CDH4: variants seen among roughly 807,000 people sequenced by gnomAD.
The protein encoded by CDH4 is cadherin-4.
In CDH4, 33 loss-of-function variants were observed where a neutral mutation model predicts 86.0. The observed-to-expected ratio is 0.38, with a 90% CI of 0.29 to 0.51. The LOEUF is 0.51. Among genes scored for constraint, CDH4 ranks in the 20% least tolerant of loss-of-function variants. The probability of loss-of-function intolerance (pLI) is 0.86; values close to 1 mark genes in which losing one functional copy is unlikely to be tolerated. For missense variants in CDH4, 1,114 were observed against 1,307.4 expected (o/e 0.85, Z 2.28); for synonymous variants, 555 against 549.4 (o/e 1.01, Z -0.14).
At chr20:61,814,471 G>A (rs142063960) in intron 4 of CDH4, among the ~76,000 whole-genome samples, 1 of 152,176 alleles carries the variant, frequency 6.6e-6, no homozygotes, top group Non-Finnish European at 1.5e-5. Flanking sequence ...TGCAGACCCA[G>A]CCCCTCACAC....
rs1300438932 is a variant in CDH4, at chr20:61,867,645, C to T, written c.878-6083C>T. On this transcript the variant is annotated intron_variant, in intron 6 of 15. Coordinates refer to ENST00000614565, the MANE Select transcript of CDH4 (RefSeq NM_001794.5). ...GCTCATCACATTTTCCTCCTCCCCC[C>T]AGGCCCCTCCTCCTGTGCCCTGGAG... Among the ~76,000 whole-genome samples the T allele has an allele frequency of 3.3e-5, 5 of 152,130 alleles. No homozygotes were observed. In the East Asian group the frequency reaches 9.6e-4, roughly 29 times the overall value.
intron 4 of CDH4, among the ~76,000 whole-genome samples, chr20:61,786,812 T>C (rs1481462336): frequency 6.6e-6 from 1 of 152,220 alleles, no homozygotes; most frequent in Admixed American, 6.5e-5. Context: ...AGTTTGGCAA[T>C]GGCCAGGGAG....
At chr20:61,821,822 T>A (rs1981059997) in intron 4 of CDH4, among the ~76,000 whole-genome samples, 1 of 152,234 alleles carries the variant, frequency 6.6e-6, no homozygotes, top group African/African-American at 2.4e-5. Context: ...CTGGGTACCA[T>A]GTACCCGAGA....
At chr20:61,918,439 G>T (rs578049324) in intron 9 of CDH4, among the ~76,000 whole-genome samples, 1 of 152,294 alleles carries the variant, frequency 6.6e-6, no homozygotes, top group South Asian at 2.1e-4. Flanking sequence ...GGGCACAGAT[G>T]AACCACACTG....
chr20:61,784,894 T>C (rs1978791819), intron 4 of CDH4, among the ~76,000 whole-genome samples: 1 of 152,152 alleles, frequency 6.6e-6, no homozygotes, highest in Non-Finnish European at 1.5e-5. Flanking sequence ...TTCCTGGCTA[T>C]GGGCAAGTGC....
chr20:61,818,915 G>A (rs1193233162), intron 4 of CDH4, among the ~76,000 whole-genome samples: 2 of 152,126 alleles, frequency 1.3e-5, no homozygotes, highest in Admixed American at 1.3e-4. Flanking sequence ...AGAGCAGGGG[G>A]CTCTCTCGGA....
chr20:61,808,444 C>T (rs1980253682), intron 4 of CDH4, among the ~76,000 whole-genome samples: 1 of 152,126 alleles, frequency 6.6e-6, no homozygotes, highest in Admixed American at 6.5e-5. Flanking sequence ...TGGGGAAAGC[C>T]TCCGTGTAGA....
At chr20:61,427,322 A>C (rs2085220531) in intron 2 of CDH4, among the ~76,000 whole-genome samples, 1 of 152,168 alleles carries the variant, frequency 6.6e-6, no homozygotes, top group Non-Finnish European at 1.5e-5. Context: ...CCGTGGGCCA[A>C]GGTGGAAGAT....
intron 2 of CDH4, among the ~76,000 whole-genome samples, chr20:61,371,958 A>T (rs766668359): frequency 1.4e-4 from 22 of 152,320 alleles, no homozygotes; most frequent in Non-Finnish European, 3.1e-4. Context: ...GATGACCCAG[A>T]GTAATGTTTA....
chr20:61,604,665 C>T (rs1379892210), intron 2 of CDH4, among the ~76,000 whole-genome samples: 1 of 152,144 alleles, frequency 6.6e-6, no homozygotes, highest in African/African-American at 2.4e-5. Flanking sequence ...TTCCTGCACA[C>T]ATTTGAGAGC....
At chr20:61,847,773 G>A (rs1030671433) in intron 5 of CDH4, among the ~76,000 whole-genome samples, 1 of 152,106 alleles carries the variant, frequency 6.6e-6, no homozygotes, top group Non-Finnish European at 1.5e-5. Context: ...GACGTCCCAC[G>A]TGGCAGGAGT....
chr20:61,529,606 G>A (rs2085937198), intron 2 of CDH4, among the ~76,000 whole-genome samples: 1 of 152,196 alleles, frequency 6.6e-6, no homozygotes, highest in East Asian at 1.9e-4. Flanking sequence ...AATGCCTCGT[G>A]TGGTTTGGGA....
intron 2 of CDH4, among the ~76,000 whole-genome samples, chr20:61,472,360 T>C (rs2085509534): frequency 6.6e-6 from 1 of 152,240 alleles, no homozygotes; most frequent in Admixed American, 6.5e-5. Flanking sequence ...GGAATATCTT[T>C]TTCCATTCTG....
At chr20:61,307,472 C>T (rs1012735798) in intron 2 of CDH4, among the ~76,000 whole-genome samples, 5 of 152,250 alleles carry the variant, frequency 3.3e-5, no homozygotes, top group Non-Finnish European at 5.9e-5. Context: ...ACACGTTGCG[C>T]GTATCATTCG....
chr20:61,839,776 T>G (rs1451764181), intron 4 of CDH4, among the ~76,000 whole-genome samples: 1 of 152,028 alleles, frequency 6.6e-6, no homozygotes, highest in Non-Finnish European at 1.5e-5. Flanking sequence ...GTGTTGTGTG[T>G]GTACATGTAT....
chr20:61,349,849 T>C (rs1267236775), intron 2 of CDH4, among the ~76,000 whole-genome samples: 1 of 152,130 alleles, frequency 6.6e-6, no homozygotes, highest in Non-Finnish European at 1.5e-5. Context: ...ACCAAGTTCA[T>C]GTGGGACCCA....
intron 2 of CDH4, among the ~76,000 whole-genome samples, chr20:61,535,070 C>T (rs6061274): frequency 2.6e-5 from 4 of 152,212 alleles, no homozygotes; most frequent in Non-Finnish European, 5.9e-5. Context: ...AGGTTCTGTC[C>T]TTAAAACCAA....
chr20:61,584,321 C>T (rs1600781840), intron 2 of CDH4, among the ~76,000 whole-genome samples: 1 of 152,156 alleles, frequency 6.6e-6, no homozygotes, highest in African/African-American at 2.4e-5. Flanking sequence ...ACAGCATCGT[C>T]GACCCCTGCA....
intron 2 of CDH4, among the ~76,000 whole-genome samples, chr20:61,461,747 T>G (rs1029316275): frequency 5.9e-5 from 9 of 152,340 alleles, no homozygotes; most frequent in Non-Finnish European, 8.8e-5. Flanking sequence ...GACCTGGAAT[T>G]GTCCCCAACG....
Sources: allele counts gnomAD v4.1 joint callset (sites outside exome capture counted in the v4.1 genomes callset), GRCh38; gene constraint gnomAD v4.1.1; transcripts MANE v1.5; gene names NCBI Gene and HGNC (gene_info 2026-07-23, HGNC 2026-07-21).